Variants in LMX1B observed in about 807,000 individuals in gnomAD.
LMX1B encodes the protein LIM homeobox transcription factor 1 beta.
LMX1B carries 12 observed loss-of-function variants against 51.4 expected under a neutral mutation model. That is an observed-to-expected ratio of 0.23 (90% confidence interval 0.15 to 0.38). The LOEUF (loss-of-function observed/expected upper bound fraction) is 0.38. Among genes scored for constraint, LMX1B ranks in the 10% least tolerant of loss-of-function variants. The probability of loss-of-function intolerance (pLI) is 1.00; values close to 1 mark genes in which losing one functional copy is unlikely to be tolerated. For missense variants in LMX1B, 445 were observed against 571.1 expected (o/e 0.78, Z 2.25); for synonymous variants, 237 against 235.4 (o/e 1.01, Z -0.06).
intron 1 of LMX1B, 53 bp downstream of exon 1, chr9:126,614,641 G>C: frequency 3.4e-6 from 5 of 1,475,368 alleles, no homozygotes; most frequent in Non-Finnish European, 4.5e-6. Context: ...ATGGGGCGTC[G>C]TCCGGCTGTG....
intron 2 of LMX1B, among the ~76,000 whole-genome samples, chr9:126,652,302 G>A (rs554333033): frequency 6.7e-6 from 1 of 149,970 alleles, no homozygotes; most frequent in Non-Finnish European, 1.5e-5. Flanking sequence ...GAGAAGGGGG[G>A]GGGGATTTTC....
chr9:126,679,280 C>T lies in LMX1B; in HGVS notation c.327-11556C>T, dbSNP rs77854185. ...AACAAGTAGCTAAGTATTTGTTGGA[C>T]GGATGGAGGCATGGATGTTTGTATG... is the stretch of plus-strand genomic sequence containing the variant. On this transcript the variant is annotated intron_variant, in intron 2 of 7. Coordinates refer to ENST00000373474, the MANE Select transcript of LMX1B (RefSeq NM_001174147.2). 2.0e-3 allele frequency among the ~76,000 whole-genome samples: 300 copies of T among 152,104 alleles called. 3 individuals are homozygous for T. In the East Asian group the frequency reaches 0.031, roughly 16 times the overall value.
At chr9:126,638,880 G>T (rs1358797558) in intron 2 of LMX1B, among the ~76,000 whole-genome samples, 2 of 152,200 alleles carry the variant, frequency 1.3e-5, no homozygotes, top group African/African-American at 4.8e-5. Flanking sequence ...CAGGACGGGC[G>T]GAGGTGCCTA....
intron 2 of LMX1B, among the ~76,000 whole-genome samples, chr9:126,669,135 T>G (rs1836400521): frequency 6.6e-6 from 1 of 152,084 alleles, no homozygotes; most frequent in Admixed American, 6.5e-5. Context: ...GAGAGGAAGA[T>G]TGTAGCTGGC....
chr9:126,696,538 C>T lies in LMX1B; in HGVS notation c.*87C>T. On this transcript the variant is annotated 3_prime_UTR_variant, in exon 8 of 8. Transcript: ENST00000373474. ...CCAGCCTGGCCACCCCCGCCCTGCT[C>T]TCCGCACAGACTACAGACAGCCATA... The T allele has an allele frequency of 2.0e-6, 3 of 1,492,254 alleles. No homozygotes were observed. Among genetic ancestry groups the T allele is most frequent in the South Asian group, 2.3e-5 (2 of 87,874 alleles). 92.4% of individuals were successfully genotyped at this position (1,492,254 alleles called of 1,614,324 possible).
intron 2 of LMX1B, among the ~76,000 whole-genome samples, chr9:126,678,089 T>C (rs1486174558): frequency 1.3e-5 from 2 of 152,074 alleles, no homozygotes; most frequent in Non-Finnish European, 2.9e-5. Flanking sequence ...GGCAGGTAGA[T>C]CACTTGAGGT....
At chr9:126,638,015 C>CG (rs1334839872) in intron 2 of LMX1B, among the ~76,000 whole-genome samples, 6 of 151,338 alleles carry the variant, frequency 4.0e-5, no homozygotes, top group African/African-American at 1.5e-4. Flanking sequence ...CAGCCCTGCC[C>CG]GGGGACCTGC....
rs1245850699 is a variant in LMX1B, at chr9:126,625,392, C to T, written c.326+9823C>T. Reference sequence around the variant, plus strand: ...GTGGGATGTGTTTGCCTCCTCTGACCGAGAGCACGGGTCCTGCTCTGTCCC... The same window carrying T: ...GTGGGATGTGTTTGCCTCCTCTGACTGAGAGCACGGGTCCTGCTCTGTCCC... On this transcript the variant is annotated intron_variant, in intron 2 of 7. Transcript: ENST00000373474. The surrounding 1 kb of genome is among the most constrained non-coding windows in gnomAD (Gnocchi z 5.3). 6.6e-6 allele frequency among the ~76,000 whole-genome samples: 1 copy of T among 152,180 alleles called. No homozygotes were observed. The highest frequency in any genetic ancestry group is 1.9e-4 in the East Asian group (1 of 5,186).
chr9:126,629,151 A>G (rs1015715935), intron 2 of LMX1B, among the ~76,000 whole-genome samples: 13 of 152,140 alleles, frequency 8.5e-5, no homozygotes, highest in South Asian at 2.1e-4. Flanking sequence ...TCCAGCTGCT[A>G]GGGAAACAGA....
chr9:126,695,754 C>A lies in LMX1B; in HGVS notation c.887-85C>A. ...CCAGAGTGGGGTGCCTGGGGAGTCC[C>A]AAGGAGATCAGAAGGGGAGGCTGCT... On this transcript the variant is annotated intron_variant, in intron 6 of 7. Transcript: ENST00000373474. This position sits in a 1 kb window ranked among gnomAD's most constrained non-coding sequence, Gnocchi z 5.2. The A allele has an allele frequency of 6.6e-7, 1 of 1,526,586 alleles. No individual in the cohort carries two copies. Among genetic ancestry groups the A allele is most frequent in the Non-Finnish European group, 9.0e-7 (1 of 1,113,396 alleles). The allele number at this position is 1,526,586 out of a possible 1,614,324, so 94.6% of individuals were successfully genotyped here.
chr9:126,662,183 G>A (rs1836260050), intron 2 of LMX1B, among the ~76,000 whole-genome samples: 1 of 152,184 alleles, frequency 6.6e-6, no homozygotes, highest in Non-Finnish European at 1.5e-5. Flanking sequence ...ACCTCTCTGG[G>A]CTTCAGGTTT....
At chr9:126,654,181 A>C (rs1588282950) in intron 2 of LMX1B, among the ~76,000 whole-genome samples, 1 of 151,766 alleles carries the variant, frequency 6.6e-6, no homozygotes, top group Non-Finnish European at 1.5e-5. Flanking sequence ...GGCTGCGCCC[A>C]CTCAGGCTTC....
intron 2 of LMX1B, among the ~76,000 whole-genome samples, chr9:126,624,438 G>C (rs974819209): frequency 2.6e-5 from 4 of 152,194 alleles, no homozygotes; most frequent in African/African-American, 9.6e-5. Context: ...CTGGCCAAAA[G>C]CAGCAAGTTC....
In LMX1B at chr9:126,696,867, G is replaced by C. The variant is rs981230148; in HGVS notation, c.*416G>C. On this transcript the variant is annotated 3_prime_UTR_variant, in exon 8 of 8. Transcript: ENST00000373474. ...GTCATGAGGCGGTGACCTGAGAAGC[G>C]TGTGTACCTGTGCCCCAGCAAGGGC... is the stretch of plus-strand genomic sequence containing the variant. 7 of 243,420 alleles carry C rather than the reference G, an allele frequency of 2.9e-5. No individual in the cohort carries two copies. The highest frequency in any genetic ancestry group is 6.8e-5 in the African/African-American group (3 of 44,346). 15.1% of individuals were successfully genotyped at this position (243,420 alleles called of 1,614,324 possible).
intron 2 of LMX1B, among the ~76,000 whole-genome samples, chr9:126,686,348 T>G (rs577285470): frequency 3.9e-5 from 6 of 152,094 alleles, no homozygotes; most frequent in African/African-American, 1.4e-4. Context: ...AAAAATTGGC[T>G]TTCAGAGTTT....
rs1226282569 is a variant in LMX1B at position 126,693,341 on chromosome 9, G to A, written c.741+18G>A. The A allele has an allele frequency of 1.9e-6, 3 of 1,582,530 alleles. No homozygotes were observed. The highest frequency in any genetic ancestry group is 2.2e-4 in the Middle Eastern group (1 of 4,506). ...GCCGAAAGGTGAGGGGCGGCCGGGG[G>A]GCGGGGCTCAGGCTGATGCCCGCAC... On this transcript the variant is annotated intron_variant, in intron 4 of 7. Transcript: ENST00000373474.
At chr9:126,647,188 G>A (rs1471408812) in intron 2 of LMX1B, among the ~76,000 whole-genome samples, 2 of 151,860 alleles carry the variant, frequency 1.3e-5, no homozygotes, top group Admixed American at 1.3e-4. Flanking sequence ...ACTCCAGCCT[G>A]AGCAACAGAG....
At chr9:126,634,454 C>T (rs1250854001) in intron 2 of LMX1B, among the ~76,000 whole-genome samples, 5 of 152,118 alleles carry the variant, frequency 3.3e-5, no homozygotes, top group African/African-American at 9.7e-5. Flanking sequence ...GTCCTGCCCT[C>T]GGCTGCCACC....
At position 126,668,593 on chromosome 9, in the gene LMX1B, A is replaced by G. The variant is rs184206301; in HGVS notation, c.327-22243A>G. Among the ~76,000 whole-genome samples, 517 of 152,200 alleles carry G rather than the reference A, an allele frequency of 3.4e-3. 1 individual carries two copies. The highest frequency in any genetic ancestry group is 0.012 in the African/African-American group (501 of 41,516). ...CTCAGCCTCCTGAGTAGCTGGGATTACAGGCGTGCACCACCACACCCAGCT... is the reference window on the plus strand; with the variant it reads ...CTCAGCCTCCTGAGTAGCTGGGATTGCAGGCGTGCACCACCACACCCAGCT... On this transcript the variant is annotated intron_variant, in intron 2 of 7. Transcript: ENST00000373474.
Sources: gnomAD v4.1 joint callset for allele counts (sites outside exome capture counted in the v4.1 genomes callset) on GRCh38, gnomAD v4.1.1 for gene constraint, Gnocchi (gnomAD v3.1) non-coding constraint, MANE v1.5 for transcripts, NCBI Gene and HGNC (gene_info 2026-07-23, HGNC 2026-07-21) for gene names.